The following CECR2 variants were observed in gnomAD, a reference collection of about 807,000 sequenced individuals.
The protein encoded by CECR2 is chromatin remodeling regulator CECR2.
CECR2 carries 30 observed loss-of-function variants against 154.5 expected under a neutral mutation model. The observed-to-expected ratio is 0.19, with a 90% CI of 0.15 to 0.26. CECR2 has a LOEUF of 0.26. Ranked by LOEUF, CECR2 falls within the 10% of genes least tolerant of loss-of-function variation. CECR2 has a pLI of 1.00. For missense variants in CECR2, 1,743 were observed against 1,829.3 expected (o/e 0.95, Z 0.86); for synonymous variants, 725 against 683.7 (o/e 1.06, Z -0.94).
intron 16 of CECR2, among the ~76,000 whole-genome samples, chr22:17,544,227 G>A (rs779326567): frequency 2.6e-5 from 4 of 152,142 alleles, no homozygotes; most frequent in Non-Finnish European, 2.9e-5. Flanking sequence ...GGCCAGGCGC[G>A]GTGGCTGACG....
intron 16 of CECR2, among the ~76,000 whole-genome samples, chr22:17,545,602 T>A (rs1290188202): frequency 1.3e-5 from 2 of 151,898 alleles, no homozygotes; most frequent in Non-Finnish European, 2.9e-5. Flanking sequence ...TGCAGCACTT[T>A]GGGAGGCCAC....
At chr22:17,505,783 C>T (rs9605309) in intron 7 of CECR2, among the ~76,000 whole-genome samples, 6,737 of 149,882 alleles carry the variant, frequency 0.045, 208 homozygotes, top group Non-Finnish European at 0.066. Flanking sequence ...AGTGATATAC[C>T]GCCTCAGCCT....
At chr22:17,491,016 A>G (rs1569117015) in intron 2 of CECR2, among the ~76,000 whole-genome samples, 1 of 151,930 alleles carries the variant, frequency 6.6e-6, no homozygotes, top group Non-Finnish European at 1.5e-5. Context: ...ACTTAGAGTT[A>G]TTTTTCAAGT....
intron 13 of CECR2, 174 bp downstream of exon 13, chr22:17,539,293 C>G (rs1007053584): frequency 1.2e-5 from 8 of 690,418 alleles, no homozygotes; most frequent in Non-Finnish European, 1.9e-5. Context: ...CAGGGATTCT[C>G]TCCTGCCCCA....
intron 1 of CECR2, among the ~76,000 whole-genome samples, chr22:17,371,897 T>C (rs1264629336): frequency 6.6e-6 from 1 of 152,248 alleles, no homozygotes; most frequent in Non-Finnish European, 1.5e-5. Context: ...AAATAACTTG[T>C]CTTCTGTTAT....
At chr22:17,486,503 G>A (rs923052753) in intron 2 of CECR2, among the ~76,000 whole-genome samples, 7 of 152,198 alleles carry the variant, frequency 4.6e-5, no homozygotes, top group Non-Finnish European at 8.8e-5. Flanking sequence ...CTCTGGGGAC[G>A]CCCCTTGCGG....
At position 17,548,761 on chromosome 22, in the gene CECR2, T is replaced by C; in HGVS notation, c.3474T>C (p.Phe1158=). The C allele has an allele frequency of 6.2e-7, 1 of 1,613,692 alleles. No individual in the cohort carries two copies. Among genetic ancestry groups the C allele is most frequent in the Non-Finnish European group, 8.5e-7 (1 of 1,179,842 alleles). ...CCCCAGCATCCCATCCCCAGCATTT[T>C]CCCCCAAGGGGCTTTCAGTCTAACC... ...GKSPASHPQH[F]PPRGFQSNHP... Residue 1158 remains phenylalanine (F), a synonymous_variant, in exon 17 of 19, where the codon TTT becomes TTC. Coordinates refer to ENST00000262608, the MANE Select transcript of CECR2 (RefSeq NM_001290047.2).
At chr22:17,362,468 C>T (rs1167770597) in intron 1 of CECR2, among the ~76,000 whole-genome samples, 38 of 152,024 alleles carry the variant, frequency 2.5e-4, no homozygotes, top group Non-Finnish European at 1.5e-5. Context: ...GTAACTAGTC[C>T]CAACCGAGAT....
intron 1 of CECR2, among the ~76,000 whole-genome samples, chr22:17,461,881 C>G (rs2146734059): frequency 6.6e-6 from 1 of 151,500 alleles, no homozygotes; most frequent in South Asian, 2.1e-4. Context: ...CAACCTCCGT[C>G]TCCAGGGTTC....
At chr22:17,377,329 T>C (rs1266928993) in intron 1 of CECR2, among the ~76,000 whole-genome samples, 2 of 152,244 alleles carry the variant, frequency 1.3e-5, no homozygotes, top group Non-Finnish European at 2.9e-5. Context: ...GATTGACATG[T>C]TCACTATCTC....
chr22:17,390,605 G>A (rs1055820504), intron 1 of CECR2, among the ~76,000 whole-genome samples: 6 of 152,142 alleles, frequency 3.9e-5, no homozygotes, highest in African/African-American at 1.2e-4. Context: ...AAGTTTAAGC[G>A]TTTGATTCTA....
At chr22:17,470,791 G>C (rs564991724) in intron 1 of CECR2, among the ~76,000 whole-genome samples, 83 of 152,208 alleles carry the variant, frequency 5.5e-4, no homozygotes, top group Non-Finnish European at 9.7e-4. Flanking sequence ...ACTAGACCAG[G>C]GTTCTTCTCA....
At chr22:17,437,220 A>C (rs1477699120) in intron 1 of CECR2, among the ~76,000 whole-genome samples, 1 of 151,980 alleles carries the variant, frequency 6.6e-6, no homozygotes, top group Non-Finnish European at 1.5e-5. Flanking sequence ...TGGCCTCCTA[A>C]ATTAGATACA....
At chr22:17,479,763 T>G (rs551663626) in intron 2 of CECR2, among the ~76,000 whole-genome samples, 4 of 143,984 alleles carry the variant, frequency 2.8e-5, no homozygotes, top group Admixed American at 1.4e-4. Flanking sequence ...AATGTGGTCT[T>G]TCTTTTTTTT....
At chr22:17,399,205 A>T (rs1366470346) in intron 1 of CECR2, among the ~76,000 whole-genome samples, 1 of 152,174 alleles carries the variant, frequency 6.6e-6, no homozygotes, top group African/African-American at 2.4e-5. Flanking sequence ...GGGACGCCAG[A>T]TGCCCATCCT....
At chr22:17,464,691 G>A (rs1350911963) in intron 1 of CECR2, among the ~76,000 whole-genome samples, 2 of 151,968 alleles carry the variant, frequency 1.3e-5, no homozygotes, top group African/African-American at 2.4e-5. Flanking sequence ...TTGTAGAGAT[G>A]AGATCTCACA....
chr22:17,468,581 T>C (rs1031662714), intron 1 of CECR2, among the ~76,000 whole-genome samples: 4 of 151,920 alleles, frequency 2.6e-5, no homozygotes, highest in Admixed American at 2.0e-4. Context: ...TACTCAGAGG[T>C]TGATGTGGAT....
intron 1 of CECR2, among the ~76,000 whole-genome samples, chr22:17,452,627 TG>T (rs1366245388): frequency 6.6e-6 from 1 of 152,122 alleles, no homozygotes; most frequent in Non-Finnish European, 1.5e-5. Context: ...TTGACCGAGA[TG>T]GGGAAGACTA....
At chr22:17,495,713 T>C (rs1569120204) in intron 2 of CECR2, among the ~76,000 whole-genome samples, 1 of 150,594 alleles carries the variant, frequency 6.6e-6, no homozygotes, top group Non-Finnish European at 1.5e-5. Context: ...ATACAAAAAA[T>C]TAGCTGGGCG....
Sources: allele counts gnomAD v4.1 joint callset (sites outside exome capture counted in the v4.1 genomes callset), GRCh38; gene constraint gnomAD v4.1.1; transcripts MANE v1.5; gene names NCBI Gene and HGNC (gene_info 2026-07-23, HGNC 2026-07-21).